LRRC47: variants seen among roughly 807,000 people sequenced by gnomAD.
LRRC47 encodes the protein leucine-rich repeat-containing protein 47.
A neutral mutation model predicts 40.9 loss-of-function variants in LRRC47; 31 were observed. The observed-to-expected ratio is 0.76, with a 90% confidence interval of 0.57 to 1.02. The LOEUF is 1.02. Ranked by LOEUF, LRRC47 falls within the 50% of genes least tolerant of loss-of-function variation. The pLI is 0.00. For synonymous variants in LRRC47, 427 were observed against 371.9 expected, an observed-to-expected ratio of 1.15 and a Z score of -1.70; for missense variants, 726 against 796.1, an observed-to-expected ratio of 0.91 and a Z score of 1.06.
intron 4 of LRRC47, 65 bp from the exon 5 acceptor site, chr1:3,782,828 G>T: frequency 9.9e-7 from 1 of 1,014,690 alleles, no homozygotes; most frequent in Non-Finnish European, 1.6e-6. Flanking sequence ...GGGTGTGGTG[G>T]CATGTGCCTG....
chr1:3,791,431 GT>G (rs902143013), intron 1 of LRRC47, among the ~76,000 whole-genome samples: 1 of 151,952 alleles, frequency 6.6e-6, no homozygotes, highest in Non-Finnish European at 1.5e-5. Flanking sequence ...CGTGCCTTCT[GT>G]TTTTTTTCCT....
At chr1:3,794,268 T>C (rs935640251) in intron 1 of LRRC47, among the ~76,000 whole-genome samples, 1 of 152,182 alleles carries the variant, frequency 6.6e-6, no homozygotes, top group Non-Finnish European at 1.5e-5. Context: ...ACTTTCTCTA[T>C]TGCAACCCTC....
chr1:3,781,553 T>C lies in LRRC47; in HGVS notation c.1462A>G (p.Ser488Gly). ...ATGACATCCTTGCAAATCTGCAGACTGGTGGCACTTGTTACTTCCAAAAAC... is the reference window on the plus strand; with the variant it reads ...ATGACATCCTTGCAAATCTGCAGACCGGTGGCACTTGTTACTTCCAAAAAC... ...DLFLEVTSAT[S>G]LQICKDVMDA... Residue 488 changes from serine (S) to glycine (G), a missense_variant, in exon 6 of 7, where the codon AGT (serine) becomes GGT (glycine). Transcript: ENST00000378251. 6.2e-7 allele frequency: 1 copy of C among 1,614,024 alleles called. No homozygotes were observed.
Position 3,782,713 on chromosome 1 carries a change from G to T in LRRC47, c.1361C>A (p.Ala454Glu), listed in dbSNP as rs749627807. 6 of 1,612,984 alleles carry T rather than the reference G, an allele frequency of 3.7e-6. No homozygotes were observed. In the Admixed American group the frequency reaches 6.7e-5, roughly 18 times the overall value. The change falls in exon 5 of 7, where the codon GCA (alanine) becomes GAA (glutamate). Residue 454 changes from alanine to glutamate, a missense_variant. Transcript: ENST00000378251. ...GNENYPCLVD[A>E]DGDVISFPPI... Reference sequence around the variant, plus strand: ...TGGGAAGGAAATCACATCACCGTCTGCATCCACAAGACACGGGTAATTTTC... The same window carrying T: ...TGGGAAGGAAATCACATCACCGTCTTCATCCACAAGACACGGGTAATTTTC...
rs573456497 is a variant in LRRC47 at position 3,787,343 on chromosome 1, C to T, written c.616-33G>A. On this transcript the variant is annotated intron_variant, in intron 1 of 6. Transcript: ENST00000378251. ...GAGAAACATGGACGCGTCAGACGCC[C>T]GGACTCTGGGAAGAGAGTCCAAGGT... 4.6e-5 allele frequency: 72 copies of T among 1,573,404 alleles called. No individual in the cohort carries two copies. The South Asian group carries it at 6.1e-4, about 13-fold the overall frequency.
At chr1:3,782,847 G>T in intron 4 of LRRC47, 84 bp from the exon 5 acceptor site, 1 of 859,800 alleles carries the variant, frequency 1.2e-6, no homozygotes, top group Non-Finnish European at 2.0e-6. Context: ...TGTGGTCCCA[G>T]CACTCAGGAG....
At position 3,779,940 on chromosome 1, in the gene LRRC47, A is replaced by G. The variant is rs977019454; in HGVS notation, c.*1148T>C. 1.3e-5 allele frequency: 2 copies of G among 152,174 alleles called. No homozygotes were observed. The highest frequency in any genetic ancestry group is 2.9e-5 in the Non-Finnish European group (2 of 68,046). The allele number at this position is 152,174 out of a possible 1,614,324, so 9.4% of individuals were successfully genotyped here. ...CAGTATGAAGAGACGCAATTCTGCCAATTCTAAGGTCACATTAAAACTTTT... is the reference window on the plus strand; with the variant it reads ...CAGTATGAAGAGACGCAATTCTGCCGATTCTAAGGTCACATTAAAACTTTT... On this transcript the variant is annotated 3_prime_UTR_variant, in exon 7 of 7. Transcript: ENST00000378251.
At chr1:3,789,689 G>A (rs1643609282) in intron 1 of LRRC47, among the ~76,000 whole-genome samples, 1 of 152,276 alleles carries the variant, frequency 6.6e-6, no homozygotes. Flanking sequence ...TCAGGGGACA[G>A]GAAGGGAAGC....
chr1:3,779,245 G>C lies in LRRC47; in HGVS notation c.*1843C>G, dbSNP rs569264617. ...CAGCTGTTAGTCTGCCCACTGCACA[G>C]GGCCCCGGGCCTCTCAGGTTGACAA... On this transcript the variant is annotated 3_prime_UTR_variant, in exon 7 of 7. Transcript: ENST00000378251. The C allele has an allele frequency of 6.6e-6, 1 of 152,384 alleles. No homozygotes were observed. The highest frequency in any genetic ancestry group is 1.9e-4 in the East Asian group (1 of 5,194). The allele number at this position is 152,384 out of a possible 1,614,324, so 9.4% of individuals were successfully genotyped here.
intron 1 of LRRC47, 38 bp from the exon 2 acceptor site, chr1:3,787,348 T>G (rs745994585): frequency 6.4e-7 from 1 of 1,567,098 alleles, no homozygotes; most frequent in Non-Finnish European, 8.6e-7. Context: ...ACGCCCGGAC[T>G]CTGGGAAGAG....
In LRRC47 at chr1:3,788,664, CG is replaced by C. The variant is rs1358352254; in HGVS notation, c.616-1355del. Among the ~76,000 whole-genome samples the C allele has an allele frequency of 2.6e-5, 4 of 152,026 alleles. No homozygotes were observed. In the East Asian group the frequency reaches 7.7e-4, roughly 29 times the overall value. On this transcript the variant is annotated intron_variant, in intron 1 of 6. Coordinates refer to ENST00000378251, the MANE Select transcript of LRRC47 (RefSeq NM_020710.3). ...CTCAAGCAATCAAGCTGCTCAGACA[CG>C]GGTAAGGGCAGCATGGCTCAGAAAT...
rs1047073058 is a variant in LRRC47 at position 3,787,439 on chromosome 1, C to A, written c.616-129G>T. The A allele has an allele frequency of 8.3e-6, 7 of 844,410 alleles. No individual in the cohort carries two copies. The African/African-American group carries it at 1.2e-4, about 14-fold the overall frequency. 52.3% of individuals were successfully genotyped at this position (844,410 alleles called of 1,614,324 possible). A position where few individuals can be genotyped will look rare whatever the true frequency, so the allele number is the denominator to read the frequency against. ...CACTGGCCTGTCTGTGGGGACGCGT[C>A]CCTGGGGAGCCACAAGTCATTCACC... On this transcript the variant is annotated intron_variant, in intron 1 of 6. Coordinates refer to ENST00000378251, the MANE Select transcript of LRRC47 (RefSeq NM_020710.3).
chr1:3,795,675 G>A (rs997430430), intron 1 of LRRC47, among the ~76,000 whole-genome samples, 187 bp downstream of exon 1: 1 of 152,258 alleles, frequency 6.6e-6, no homozygotes, highest in Non-Finnish European at 1.5e-5. Flanking sequence ...AGAAGGGGGA[G>A]TTGGAAGGCG....
Position 3,787,392 on chromosome 1 carries a change from A to G in LRRC47, c.616-82T>C, listed in dbSNP as rs1313898119. On this transcript the variant is annotated intron_variant, in intron 1 of 6. Transcript: ENST00000378251. ...GTCATGCTCGAGAGGCAGGGAGACC[A>G]CTCATCACTCACAAGAGCCACCACT... 2.2e-6 allele frequency: 3 copies of G among 1,342,942 alleles called. No homozygotes were observed. The African/African-American group carries it at 4.4e-5, about 20-fold the overall frequency. 83.2% of individuals were successfully genotyped at this position (1,342,942 alleles called of 1,614,324 possible).
At chr1:3,784,326 G>A (rs1423239479) in intron 3 of LRRC47, among the ~76,000 whole-genome samples, 2 of 152,184 alleles carry the variant, frequency 1.3e-5, no homozygotes, top group African/African-American at 2.4e-5. Flanking sequence ...CAAACACACC[G>A]ATCCTACTGA....
intron 2 of LRRC47, among the ~76,000 whole-genome samples, chr1:3,786,163 C>A (rs1643570492): frequency 6.6e-6 from 1 of 152,080 alleles, no homozygotes; most frequent in African/African-American, 2.4e-5. Context: ...AGCCACCGCA[C>A]CAGCTGGAAC....
At chr1:3,788,885 C>T (rs1480796957) in intron 1 of LRRC47, among the ~76,000 whole-genome samples, 1 of 152,212 alleles carries the variant, frequency 6.6e-6, no homozygotes, top group Non-Finnish European at 1.5e-5. Context: ...GCAGCAGTGA[C>T]GCCTGCTGGG....
chr1:3,787,457 C>T, intron 1 of LRRC47, 147 bp from the exon 2 acceptor site: 1 of 747,056 alleles, frequency 1.3e-6, no homozygotes, highest in Non-Finnish European at 2.1e-6. Flanking sequence ...AGCCACAAGT[C>T]ATTCACCTTT....
intron 1 of LRRC47, among the ~76,000 whole-genome samples, chr1:3,792,232 G>C (rs1201333330): frequency 1.3e-5 from 2 of 152,218 alleles, no homozygotes; most frequent in African/African-American, 4.8e-5. Flanking sequence ...ACATCTGAGT[G>C]CAACAAGGGA....
Sources: allele counts gnomAD v4.1 joint callset (sites outside exome capture counted in the v4.1 genomes callset), GRCh38; gene constraint gnomAD v4.1.1; transcripts MANE v1.5; gene names NCBI Gene and HGNC (gene_info 2026-07-23, HGNC 2026-07-21).